KIF6: variants seen among roughly 807,000 people sequenced by gnomAD.
The protein encoded by KIF6 is kinesin-like protein KIF6.
A neutral mutation model predicts 112.7 loss-of-function variants in KIF6; 106 were observed. The observed-to-expected ratio is 0.94, with a 90% CI of 0.80 to 1.11. KIF6 has a LOEUF of 1.11. Among genes scored for constraint, KIF6 ranks in the 50% least tolerant of loss-of-function variants. The pLI, the probability that KIF6 is intolerant of heterozygous loss-of-function variation, is 0.00. For missense variants in KIF6, 929 were observed against 964.0 expected (o/e 0.96, Z 0.48); for synonymous variants, 339 against 339.9 (o/e 1.00, Z 0.03).
At chr6:39,571,297 C>T (rs1457596527) in intron 10 of KIF6, among the ~76,000 whole-genome samples, 1 of 152,134 alleles carries the variant, frequency 6.6e-6, no homozygotes, top group African/African-American at 2.4e-5. Flanking sequence ...TTCCCTCATC[C>T]TCACTCCCAA....
intron 5 of KIF6, among the ~76,000 whole-genome samples, chr6:39,634,563 C>T (rs1784523640): frequency 6.6e-6 from 1 of 151,962 alleles, no homozygotes; most frequent in Admixed American, 6.6e-5. Context: ...CTGTCATATC[C>T]CATCAATCCT....
chr6:39,431,462 C>T, intron 13 of KIF6: 1 of 271,716 alleles, frequency 3.7e-6, no homozygotes. Context: ...CCCTGGACTG[C>T]CGAGGATGTC....
intron 13 of KIF6, among the ~76,000 whole-genome samples, chr6:39,493,798 G>T (rs371715984): frequency 6.6e-6 from 1 of 152,188 alleles, no homozygotes; most frequent in African/African-American, 2.4e-5. Flanking sequence ...CTTACCAGCT[G>T]CTCTGGCCTA....
At chr6:39,607,429 C>T (rs1193201825) in intron 6 of KIF6, among the ~76,000 whole-genome samples, 2 of 152,042 alleles carry the variant, frequency 1.3e-5, no homozygotes, top group African/African-American at 4.8e-5. Context: ...GAAAGAAATG[C>T]TTGTCATATA....
At chr6:39,373,167 C>A (rs1440709307) in intron 16 of KIF6, among the ~76,000 whole-genome samples, 1 of 152,118 alleles carries the variant, frequency 6.6e-6, no homozygotes. Context: ...CTAATTTGCT[C>A]AAAGCAGCAG....
At chr6:39,347,154 T>TAA (rs1763870458) in intron 19 of KIF6, among the ~76,000 whole-genome samples, 1 of 152,204 alleles carries the variant, frequency 6.6e-6, no homozygotes. Context: ...TTAGACAGAT[T>TAA]AAAGAAATTC....
At chr6:39,462,826 T>C (rs1378046421) in intron 13 of KIF6, among the ~76,000 whole-genome samples, 1 of 152,158 alleles carries the variant, frequency 6.6e-6, no homozygotes, top group Non-Finnish European at 1.5e-5. Context: ...TAGGAACTTG[T>C]ACAGAGAAAA....
intron 6 of KIF6, among the ~76,000 whole-genome samples, chr6:39,606,530 C>G (rs541213329): frequency 6.6e-6 from 1 of 152,214 alleles, no homozygotes; most frequent in East Asian, 1.9e-4. Flanking sequence ...AGGAAATATT[C>G]ATATTGGGTT....
At chr6:39,542,111 C>T (rs975612167) in intron 12 of KIF6, among the ~76,000 whole-genome samples, 7 of 152,102 alleles carry the variant, frequency 4.6e-5, no homozygotes, top group Non-Finnish European at 1.0e-4. Flanking sequence ...TCCAGGCCCT[C>T]GTAAACCAGA....
chr6:39,667,615 A>G (rs925078767), intron 3 of KIF6, among the ~76,000 whole-genome samples: 3 of 152,168 alleles, frequency 2.0e-5, no homozygotes, highest in African/African-American at 7.2e-5. Flanking sequence ...CTCTATGTCA[A>G]CTTGGCACCC....
At chr6:39,717,204 T>G (rs887822353) in intron 2 of KIF6, among the ~76,000 whole-genome samples, 1 of 152,136 alleles carries the variant, frequency 6.6e-6, no homozygotes, top group African/African-American at 2.4e-5. Context: ...CAATGACTTA[T>G]AAGGCTCTAA....
intron 13 of KIF6, among the ~76,000 whole-genome samples, chr6:39,501,797 G>T (rs1298458776): frequency 2.6e-5 from 4 of 152,156 alleles, no homozygotes; most frequent in African/African-American, 9.7e-5. Flanking sequence ...AGAATTAAAA[G>T]GAATGAATAA....
At chr6:39,381,736 T>C (rs1011585552) in intron 16 of KIF6, among the ~76,000 whole-genome samples, 1 of 152,214 alleles carries the variant, frequency 6.6e-6, no homozygotes, top group Admixed American at 6.5e-5. Context: ...AATCTCAGAA[T>C]GGCAGCTGGG....
intron 7 of KIF6, among the ~76,000 whole-genome samples, chr6:39,589,626 T>C (rs1781821002): frequency 6.6e-6 from 1 of 152,170 alleles, no homozygotes; most frequent in Non-Finnish European, 1.5e-5. Context: ...ATGTGGGGTT[T>C]GGAGGTGAGC....
chr6:39,595,086 G>A (rs1782177813), intron 7 of KIF6, among the ~76,000 whole-genome samples: 1 of 152,110 alleles, frequency 6.6e-6, no homozygotes, highest in African/African-American at 2.4e-5. Context: ...ATCAGCCTGG[G>A]GTAGAAGTAG....
chr6:39,546,868 C>A (rs142126711), intron 10 of KIF6, among the ~76,000 whole-genome samples: 1 of 151,456 alleles, frequency 6.6e-6, no homozygotes, highest in Non-Finnish European at 1.5e-5. Context: ...CATAGCACCA[C>A]GTGCCAATGT....
At chr6:39,530,715 G>C (rs1330194094) in intron 13 of KIF6, among the ~76,000 whole-genome samples, 3 of 152,128 alleles carry the variant, frequency 2.0e-5, no homozygotes, top group Non-Finnish European at 4.4e-5. Flanking sequence ...TTGTCAAAGG[G>C]GAGACAGTTT....
intron 13 of KIF6, among the ~76,000 whole-genome samples, chr6:39,537,397 T>C (rs1244851731): frequency 6.6e-6 from 1 of 152,008 alleles, no homozygotes; most frequent in Non-Finnish European, 1.5e-5. Flanking sequence ...TGTACAAAAA[T>C]CACAAGCATT....
intron 10 of KIF6, among the ~76,000 whole-genome samples, chr6:39,561,266 T>C (rs927700037): frequency 2.1e-4 from 32 of 152,200 alleles, no homozygotes; most frequent in African/African-American, 5.5e-4. Flanking sequence ...CTAGATTACA[T>C]TGAATATTTA....
Sources: gnomAD v4.1 joint callset for allele counts (sites outside exome capture counted in the v4.1 genomes callset) on GRCh38, gnomAD v4.1.1 for gene constraint, MANE v1.5 for transcripts, NCBI Gene and HGNC (gene_info 2026-07-23, HGNC 2026-07-21) for gene names.